Variants in COL11A1 observed in about 807,000 individuals in gnomAD.
COL11A1 encodes the protein collagen alpha-1(XI) chain.
In COL11A1, 74 loss-of-function variants were observed where a neutral mutation model predicts 265.2. The observed-to-expected ratio is 0.28, with a 90% CI of 0.23 to 0.34. The LOEUF is 0.34. Ranked by LOEUF, COL11A1 falls within the 10% of genes least tolerant of loss-of-function variation. The probability of loss-of-function intolerance (pLI) is 1.00; values close to 1 mark genes in which losing one functional copy is unlikely to be tolerated. For synonymous variants in COL11A1, 816 were observed against 727.6 expected, an observed-to-expected ratio of 1.12 and a Z score of -1.96; for missense variants, 2,165 against 2,263.6, an observed-to-expected ratio of 0.96 and a Z score of 0.88.
At chr1:102,975,374 AG>A (rs1294667403) in intron 35 of COL11A1, among the ~76,000 whole-genome samples, 1 of 152,188 alleles carries the variant, frequency 6.6e-6, no homozygotes, top group East Asian at 1.9e-4. Context: ...TATCTCAAAA[AG>A]ACCACAGAAG....
chr1:102,913,425 T>A (rs1314583494), intron 53 of COL11A1, among the ~76,000 whole-genome samples: 2 of 152,168 alleles, frequency 1.3e-5, no homozygotes, highest in Admixed American at 6.5e-5. Context: ...ACACTTTTCA[T>A]TATAAATACT....
rs773157346 is a variant in COL11A1 at position 102,961,897 on chromosome 1, C to T, written c.3137G>A (p.Gly1046Glu). 1.3e-5 allele frequency: 21 copies of T among 1,613,124 alleles called. No homozygotes were observed. Among genetic ancestry groups the T allele is most frequent in the Non-Finnish European group, 1.7e-5 (20 of 1,179,648 alleles). The change falls in exon 41 of 67, where the codon GGG (glycine) becomes GAG (glutamate). Residue 1046 changes from glycine to glutamate, a missense_variant. Coordinates refer to ENST00000370096, the MANE Select transcript of COL11A1 (RefSeq NM_001854.4). ...GAQGAPGLKGGEGPQGPPGPV... is the reference protein window; with the variant it reads ...GAQGAPGLKGEEGPQGPPGPV... ...ACCTGGTGGGCCCTGGGGACCTTCC[C>T]CTCCTTTCAGTCCAGGTGCACCCTG...
At chr1:102,929,790 C>T (rs1657155357) in intron 46 of COL11A1, among the ~76,000 whole-genome samples, 1 of 152,072 alleles carries the variant, frequency 6.6e-6, no homozygotes, top group Admixed American at 6.5e-5. Flanking sequence ...TGTATTTCTC[C>T]TTGAAGAGGA....
intron 24 of COL11A1, 150 bp from the exon 25 acceptor site, chr1:102,998,513 G>A: frequency 2.0e-6 from 1 of 496,512 alleles, no homozygotes; most frequent in Non-Finnish European, 3.5e-6. Flanking sequence ...TATATTATTT[G>A]GAGGAAATGC....
intron 46 of COL11A1, among the ~76,000 whole-genome samples, chr1:102,929,802 C>T (rs941080156): frequency 1.7e-4 from 26 of 152,134 alleles, no homozygotes; most frequent in African/African-American, 6.3e-4. Context: ...TGAAGAGGAC[C>T]TTCACATCCT....
chr1:103,044,192 C>T (rs1287197202), intron 4 of COL11A1, among the ~76,000 whole-genome samples: 1 of 149,592 alleles, frequency 6.7e-6, no homozygotes, highest in African/African-American at 2.5e-5. Context: ...ACACCCCATA[C>T]AGTTAATGAT....
intron 4 of COL11A1, among the ~76,000 whole-genome samples, chr1:103,040,034 C>A (rs1212710108): frequency 6.6e-6 from 1 of 151,884 alleles, no homozygotes; most frequent in African/African-American, 2.4e-5. Context: ...ATCATTCCAA[C>A]TACAAATAAA....
Position 102,887,408 on chromosome 1 carries a change from T to C in COL11A1, c.4609-352A>G, listed in dbSNP as rs1029957454. Among the ~76,000 whole-genome samples, 5 of 152,216 alleles carry C rather than the reference T, an allele frequency of 3.3e-5. No individual in the cohort carries two copies. In the East Asian group the frequency reaches 9.7e-4, roughly 29 times the overall value. On this transcript the variant is annotated intron_variant, in intron 62 of 66. Coordinates refer to ENST00000370096, the MANE Select transcript of COL11A1 (RefSeq NM_001854.4). The stretch of plus-strand genomic sequence containing the variant: ...CTCCACAACTAGATTGTAAAGTCTC[T>C]GAGGATTAGAACAGCACTTTAAAGC...
chr1:102,994,732 A>T (rs1051764097), intron 28 of COL11A1, among the ~76,000 whole-genome samples: 5 of 152,204 alleles, frequency 3.3e-5, no homozygotes, highest in African/African-American at 1.2e-4. Context: ...TTTGTATGAA[A>T]TTTTGTAGTA....
chr1:103,074,854 G>A, intron 3 of COL11A1, 74 bp from the exon 4 acceptor site: 3 of 1,501,328 alleles, frequency 2.0e-6, no homozygotes, highest in Non-Finnish European at 1.8e-6. Flanking sequence ...ACATAAAAAT[G>A]CTGTGTATTT....
At chr1:102,983,761 G>T (rs1442848394) in intron 31 of COL11A1, among the ~76,000 whole-genome samples, 4 of 152,002 alleles carry the variant, frequency 2.6e-5, no homozygotes, top group African/African-American at 4.8e-5. Flanking sequence ...AGTGTGAAAG[G>T]TGTATTAATT....
intron 4 of COL11A1, among the ~76,000 whole-genome samples, chr1:103,068,419 T>C (rs1451612064): frequency 1.3e-5 from 2 of 151,664 alleles, no homozygotes; most frequent in African/African-American, 4.8e-5. Flanking sequence ...AACAAATATT[T>C]AGGAAACTAA....
chr1:102,937,399 C>G (rs1006166023), intron 44 of COL11A1, among the ~76,000 whole-genome samples: 1 of 152,086 alleles, frequency 6.6e-6, no homozygotes, highest in Non-Finnish European at 1.5e-5. Context: ...ATTAAGAAAT[C>G]TAAATGGAAT....
intron 4 of COL11A1, among the ~76,000 whole-genome samples, chr1:103,072,311 G>T (rs1291549296): frequency 6.6e-6 from 1 of 151,738 alleles, no homozygotes; most frequent in East Asian, 1.9e-4. Flanking sequence ...TTAATGTAGG[G>T]CAGTGTATAC....
Position 103,022,884 on chromosome 1 carries a change from C to G in COL11A1, c.1103G>C (p.Arg368Thr). The G allele has an allele frequency of 6.2e-7, 1 of 1,613,924 alleles. No individual in the cohort carries two copies. The highest frequency in any genetic ancestry group is 8.5e-7 in the Non-Finnish European group (1 of 1,179,958). The stretch of plus-strand genomic sequence containing the variant: ...TCCATCTACCAGAAGATCAGAATCC[C>G]TGCCGTCTATTTCTTTGTTTTCATA... ...TLYENKEIDG[R>T]DSDLLVDGDL... The change falls in exon 8 of 67, where the codon AGG becomes ACG. Residue 368 changes from arginine (R) to threonine (T), a missense_variant. Physicochemically the swap from Arg to Thr is moderately conservative, Grantham distance 71 (BLOSUM62 -1). Coordinates refer to ENST00000370096, the MANE Select transcript of COL11A1 (RefSeq NM_001854.4).
intron 28 of COL11A1, among the ~76,000 whole-genome samples, 164 bp downstream of exon 28, chr1:102,995,700 A>G (rs1032720310): frequency 6.6e-6 from 1 of 152,120 alleles, no homozygotes; most frequent in African/African-American, 2.4e-5. Context: ...ACAAGATATA[A>G]GACATTGTTT....
At chr1:102,996,123 T>G in intron 26 of COL11A1, 81 bp from the exon 27 acceptor site, 2 of 1,398,248 alleles carry the variant, frequency 1.4e-6, no homozygotes, top group East Asian at 4.6e-5. Context: ...TACCAACTAA[T>G]CTACAAGGAT....
chr1:103,062,154 A>T (rs1670724234), intron 4 of COL11A1, among the ~76,000 whole-genome samples: 1 of 151,994 alleles, frequency 6.6e-6, no homozygotes, highest in Non-Finnish European at 1.5e-5. Context: ...AGAAAATCTG[A>T]AAAGGTCCAA....
intron 55 of COL11A1, 50 bp from the exon 56 acceptor site, chr1:102,898,823 T>C (rs1387753809): frequency 7.2e-6 from 11 of 1,536,350 alleles, no homozygotes; most frequent in South Asian, 3.4e-5. Flanking sequence ...AAAATACTTT[T>C]ATTATTTTAT....
Sources: gnomAD v4.1 joint callset for allele counts (sites outside exome capture counted in the v4.1 genomes callset) on GRCh38, gnomAD v4.1.1 for gene constraint, MANE v1.5 for transcripts, NCBI Gene and HGNC (gene_info 2026-07-23, HGNC 2026-07-21) for gene names.